The following UBR2 variants were observed in gnomAD, a reference collection of about 807,000 sequenced individuals.
UBR2 encodes E3 ubiquitin-protein ligase UBR2.
A neutral mutation model predicts 247.9 loss-of-function variants in UBR2; 92 were observed. The observed-to-expected ratio is 0.37, with a 90% CI of 0.31 to 0.44. The LOEUF (loss-of-function observed/expected upper bound fraction) is 0.44, where lower values mean the gene tolerates loss of function less well. Ranked by LOEUF, UBR2 falls within the 20% of genes least tolerant of loss-of-function variation. UBR2 has a pLI of 1.00. For synonymous variants in UBR2, 672 were observed against 693.5 expected (o/e 0.97, Z 0.49); for missense variants, 1,613 against 2,112.6 (o/e 0.76, Z 4.64).
rs561744646 is a variant in UBR2 at position 42,688,493 on chromosome 6, G to A, written c.5024+107G>A. 2.0e-3 allele frequency: 2,647 copies of A among 1,313,026 alleles called. 3 individuals carry two copies. The highest frequency in any genetic ancestry group is 2.5e-3 in the Non-Finnish European group (2,426 of 952,686). 81.3% of individuals were successfully genotyped at this position (1,313,026 alleles called of 1,614,324 possible). A position where few individuals can be genotyped will look rare whatever the true frequency, so the allele number is the denominator to read the frequency against. ...CCAGGAATTTTGAGACTACTGTTCCGTGTGATTCATTCCAGAAACGTGGAG... is the reference window on the plus strand; with the variant it reads ...CCAGGAATTTTGAGACTACTGTTCCATGTGATTCATTCCAGAAACGTGGAG... On this transcript the variant is annotated intron_variant, in intron 45 of 46. Coordinates refer to ENST00000372901, the MANE Select transcript of UBR2 (RefSeq NM_001363705.2).
At chr6:42,690,167 C>G (rs1050658510) in intron 46 of UBR2, among the ~76,000 whole-genome samples, 1 of 152,190 alleles carries the variant, frequency 6.6e-6, no homozygotes, top group African/African-American at 2.4e-5. Context: ...AACAATTCCC[C>G]CAAGCACTAT....
intron 37 of UBR2, 61 bp from the exon 38 acceptor site, chr6:42,674,065 A>G: frequency 6.5e-7 from 1 of 1,528,364 alleles, no homozygotes; most frequent in African/African-American, 1.4e-5. Context: ...AAAGCAGATT[A>G]TATGCATTTT....
In UBR2 at chr6:42,659,542, C is replaced by CT. The variant is rs1469004103; in HGVS notation, c.3243-114_3243-113insT. 1.4e-6 allele frequency: 1 copy of CT among 705,246 alleles called. No individual in the cohort carries two copies. The highest frequency in any genetic ancestry group is 2.3e-6 in the Non-Finnish European group (1 of 427,672). The allele number at this position is 705,246 out of a possible 1,614,324, so 43.7% of individuals were successfully genotyped here. On this transcript the variant is annotated intron_variant, in intron 29 of 46. Coordinates refer to ENST00000372901, the MANE Select transcript of UBR2 (RefSeq NM_001363705.2). This position sits in a 1 kb window ranked among gnomAD's most constrained non-coding sequence, Gnocchi z 4.3. The stretch of plus-strand genomic sequence containing the variant: ...ATATACACACACACACACACACACA[C>CT]ACACACACACACACACACACTACAC...
intron 23 of UBR2, 131 bp from the exon 24 acceptor site, chr6:42,651,892 A>G: frequency 1.3e-6 from 1 of 758,578 alleles, no homozygotes; most frequent in Non-Finnish European, 2.1e-6. Flanking sequence ...TGGGCAGATC[A>G]CAAGGTCAGG....
intron 34 of UBR2, among the ~76,000 whole-genome samples, chr6:42,666,639 G>A (rs930122890): frequency 1.3e-5 from 2 of 151,862 alleles, no homozygotes; most frequent in Non-Finnish European, 2.9e-5. Context: ...TCTTTACCTG[G>A]CTCTCCTTGA....
intron 45 of UBR2, 131 bp downstream of exon 45, chr6:42,688,517 A>C: frequency 9.1e-7 from 1 of 1,100,840 alleles, no homozygotes; most frequent in Non-Finnish European, 1.3e-6. Flanking sequence ...AGAAACGTGG[A>C]GCTCCTTGTC....
chr6:42,632,197 C>G (rs1795794039), intron 11 of UBR2, among the ~76,000 whole-genome samples: 1 of 151,578 alleles, frequency 6.6e-6, no homozygotes, highest in Admixed American at 6.6e-5. Context: ...TCGTAAACCT[C>G]TGGATCCTAG....
At chr6:42,568,815 T>C (rs1790938299) in intron 1 of UBR2, among the ~76,000 whole-genome samples, 1 of 152,238 alleles carries the variant, frequency 6.6e-6, no homozygotes, top group Non-Finnish European at 1.5e-5. Flanking sequence ...CAGAAGTGTT[T>C]TGGATTTTGG....
chr6:42,600,978 C>T (rs941572965), intron 4 of UBR2, among the ~76,000 whole-genome samples: 3 of 152,172 alleles, frequency 2.0e-5, no homozygotes, highest in African/African-American at 7.2e-5. Flanking sequence ...TTGGAACTGA[C>T]ATTTTAATTC....
At chr6:42,567,735 T>A in intron 1 of UBR2, among the ~76,000 whole-genome samples, 1 of 151,722 alleles carries the variant, frequency 6.6e-6, no homozygotes, top group East Asian at 1.9e-4. Context: ...TCTTTTTCCC[T>A]GAATATAAAA....
intron 7 of UBR2, among the ~76,000 whole-genome samples, chr6:42,608,426 G>A (rs546275994): frequency 1.3e-5 from 2 of 152,068 alleles, no homozygotes; most frequent in East Asian, 1.9e-4. Flanking sequence ...AAGAGTTTGG[G>A]ACCAGCCTGG....
At chr6:42,583,312 G>A (rs60945575) in intron 2 of UBR2, among the ~76,000 whole-genome samples, 3,317 of 151,694 alleles carry the variant, frequency 0.022, 110 homozygotes, top group African/African-American at 0.075. Context: ...CAATAGCGCA[G>A]TCTCGGCTCA....
At chr6:42,620,085 T>C (rs373468764) in intron 11 of UBR2, 1 of 861,598 alleles carries the variant, frequency 1.2e-6, no homozygotes, top group African/African-American at 1.8e-5. Context: ...AAATAGGTTC[T>C]ACCAGACTCT....
intron 4 of UBR2, among the ~76,000 whole-genome samples, chr6:42,595,401 C>T (rs1475159571): frequency 2.6e-5 from 4 of 152,082 alleles, no homozygotes; most frequent in South Asian, 2.1e-4. Flanking sequence ...CACTCAAGTA[C>T]GTCTACATTG....
chr6:42,582,622 A>C (rs1791985055), intron 2 of UBR2, among the ~76,000 whole-genome samples: 1 of 152,128 alleles, frequency 6.6e-6, no homozygotes, highest in African/African-American at 2.4e-5. Flanking sequence ...TGATGTTGTC[A>C]GACTTTTTTT....
intron 1 of UBR2, among the ~76,000 whole-genome samples, chr6:42,572,715 CT>C (rs113520755): frequency 2.7e-3 from 382 of 141,862 alleles, no homozygotes; most frequent in Middle Eastern, 7.1e-3. Flanking sequence ...AGAAGTGAGT[CT>C]TTTTTTTTTT....
chr6:42,648,153 A>C lies in UBR2; in HGVS notation c.2445A>C (p.Glu815Asp). Residue 815 changes from glutamate (E) to aspartate (D), a missense_variant, in exon 22 of 47, where the codon GAA (glutamate) becomes GAC (aspartate). Physicochemically the swap from Glu to Asp is conservative, Grantham distance 45. This residue lies in a region of UBR2 where 1,524 missense variants were observed against 1,967.3 expected (regional missense o/e 0.77). Transcript: ENST00000372901. Reference protein sequence around the residue: ...NKETGMESVIEAVAHFKKPGL... With the variant: ...NKETGMESVIDAVAHFKKPGL... Reference sequence around the variant, plus strand: ...AGACTGGCATGGAGAGTGTAATCGAAGCAGTTGCCCATTTCAAGTGAGTTT... The same window carrying C: ...AGACTGGCATGGAGAGTGTAATCGACGCAGTTGCCCATTTCAAGTGAGTTT... 6.2e-7 allele frequency: 1 copy of C among 1,614,022 alleles called. No individual in the cohort carries two copies. Among genetic ancestry groups the C allele is most frequent in the South Asian group, 1.1e-5 (1 of 91,074 alleles).
chr6:42,564,353 A>G lies in UBR2; in HGVS notation c.34A>G (p.Ile12Val). 1.2e-6 allele frequency: 2 copies of G among 1,612,328 alleles called. No homozygotes were observed. Among genetic ancestry groups the G allele is most frequent in the Non-Finnish European group, 1.7e-6 (2 of 1,179,344 alleles). The change falls in exon 1 of 47, where the codon ATC (isoleucine) becomes GTC (valine). Residue 12 changes from isoleucine (I) to valine (V), a missense_variant. Transcript: ENST00000372901. ...GGAGCTAGAGCCAGAGGTGCAGGCCATCGACCGGAGCTTGCTGGAATGTTC... is the reference window on the plus strand; with the variant it reads ...GGAGCTAGAGCCAGAGGTGCAGGCCGTCGACCGGAGCTTGCTGGAATGTTC... ...ASELEPEVQA[I>V]DRSLLECSAE...
intron 44 of UBR2, 96 bp downstream of exon 44, chr6:42,684,967 G>A: frequency 1.9e-6 from 2 of 1,050,700 alleles, no homozygotes; most frequent in South Asian, 2.9e-5. Context: ...TGTTTGGGTA[G>A]AGAAATCATA....
Sources: allele counts gnomAD v4.1 joint callset (sites outside exome capture counted in the v4.1 genomes callset), GRCh38; gene constraint gnomAD v4.1.1; regional missense constraint gnomAD v4.1.1; non-coding constraint Gnocchi (gnomAD v3.1); transcripts MANE v1.5; gene names NCBI Gene and HGNC (gene_info 2026-07-23, HGNC 2026-07-21).